Variants in SDCCAG8 observed in about 807,000 individuals in gnomAD.
SDCCAG8 encodes the protein serologically defined colon cancer antigen 8.
Under a neutral mutation model 101.8 loss-of-function variants are expected in SDCCAG8, and 74 were observed. That is an observed-to-expected ratio of 0.73 (90% CI 0.60 to 0.88). The LOEUF is 0.88. Among genes scored for constraint, SDCCAG8 ranks in the 40% least tolerant of loss-of-function variants. SDCCAG8 has a pLI of 0.00. For synonymous variants in SDCCAG8, 281 were observed against 292.9 expected (o/e 0.96, Z 0.41); for missense variants, 787 against 822.6 (o/e 0.96, Z 0.53).
chr1:243,439,666 A>ACACACACACACACACACAC (rs2082400113), intron 16 of SDCCAG8, among the ~76,000 whole-genome samples: 6 of 149,192 alleles, frequency 4.0e-5, no homozygotes, highest in Admixed American at 6.6e-5. Context: ...ACACACACAC[A>ACACACACACACACACACAC]TCATTGGAGC....
At chr1:243,389,158 C>A (rs560916002) in intron 13 of SDCCAG8, among the ~76,000 whole-genome samples, 14 of 149,232 alleles carry the variant, frequency 9.4e-5, no homozygotes, top group East Asian at 5.9e-4. Flanking sequence ...CCTCCCCCCC[C>A]CAAAAAAAAA....
chr1:243,271,441 C>A (rs1014617532), intron 3 of SDCCAG8, among the ~76,000 whole-genome samples: 6 of 150,800 alleles, frequency 4.0e-5, no homozygotes, highest in Non-Finnish European at 7.4e-5. Flanking sequence ...AGGGTCATAT[C>A]TATTATTGAT....
intron 12 of SDCCAG8, among the ~76,000 whole-genome samples, chr1:243,349,342 C>G (rs2075951779): frequency 6.6e-6 from 1 of 152,178 alleles, no homozygotes; most frequent in African/African-American, 2.4e-5. Flanking sequence ...TTTATTAGAA[C>G]TCAGCCATAC....
intron 4 of SDCCAG8, among the ~76,000 whole-genome samples, chr1:243,276,899 G>A (rs2068619404): frequency 1.3e-5 from 2 of 151,818 alleles, no homozygotes; most frequent in Non-Finnish European, 2.9e-5. Context: ...GAATTATTCT[G>A]TATATAGCCT....
intron 1 of SDCCAG8, among the ~76,000 whole-genome samples, chr1:243,269,411 A>G (rs2067899154): frequency 6.6e-6 from 1 of 151,258 alleles, no homozygotes; most frequent in Non-Finnish European, 1.5e-5. Flanking sequence ...TTAGAGATGA[A>G]CTATCACAGT....
Position 243,286,396 on chromosome 1 carries a change from C to T in SDCCAG8, c.545C>T (p.Ser182Phe). 1 of 1,613,946 alleles carries T rather than the reference C, an allele frequency of 6.2e-7. No homozygotes were observed. The highest frequency in any genetic ancestry group is 8.5e-7 in the Non-Finnish European group (1 of 1,179,814). ...TLREQTLLDA[S>F]GNMHNSWITT... ...AGGGAACAAACACTTCTGGATGCATCCGTGAGCATTATTTTAAATCATAAA... is the reference window on the plus strand; with the variant it reads ...AGGGAACAAACACTTCTGGATGCATTCGTGAGCATTATTTTAAATCATAAA... The change falls in exon 5 of 18, where the codon TCC becomes TTC. Residue 182 changes from serine to phenylalanine, a missense_variant and splice_region_variant. By Grantham distance (155) the Ser-to-Phe change is radical (BLOSUM62 -2). Coordinates refer to ENST00000366541, the MANE Select transcript of SDCCAG8 (RefSeq NM_006642.5).
chr1:243,473,491 C>T (rs960882027), intron 16 of SDCCAG8, among the ~76,000 whole-genome samples: 2 of 152,136 alleles, frequency 1.3e-5, no homozygotes, highest in Admixed American at 6.5e-5. Context: ...CATGCACTGT[C>T]TGTTACATGT....
At chr1:243,473,499 T>C (rs2148197912) in intron 16 of SDCCAG8, among the ~76,000 whole-genome samples, 1 of 152,332 alleles carries the variant, frequency 6.6e-6, no homozygotes, top group East Asian at 1.9e-4. Context: ...GTCTGTTACA[T>C]GTCGCTTCTT....
chr1:243,415,879 C>T (rs1196849327), intron 14 of SDCCAG8, 50 bp downstream of exon 14: 1 of 1,602,742 alleles, frequency 6.2e-7, no homozygotes, highest in Non-Finnish European at 8.5e-7. Context: ...ACAAGTCAGG[C>T]CCACGCCTTA....
At chr1:243,492,511 C>T (rs898778143) in intron 17 of SDCCAG8, among the ~76,000 whole-genome samples, 5 of 151,040 alleles carry the variant, frequency 3.3e-5, no homozygotes, top group African/African-American at 1.2e-4. Context: ...GCCATGTTGG[C>T]CAGGCTGGTC....
intron 12 of SDCCAG8, among the ~76,000 whole-genome samples, chr1:243,366,735 A>G (rs1282928671): frequency 6.6e-6 from 1 of 152,068 alleles, no homozygotes; most frequent in Non-Finnish European, 1.5e-5. Flanking sequence ...TATCAAAATG[A>G]TAGGGAATCA....
At position 243,499,836 on chromosome 1, in the gene SDCCAG8, C is replaced by T. The variant is rs373195978; in HGVS notation, c.*51C>T. ...TGATTTACAAAGAGATATTTACATT[C>T]ATCTGGTTTAGACTTAATATGCCAC... On this transcript the variant is annotated 3_prime_UTR_variant, in exon 18 of 18. Coordinates refer to ENST00000366541, the MANE Select transcript of SDCCAG8 (RefSeq NM_006642.5). 7 of 1,575,198 alleles carry T rather than the reference C, an allele frequency of 4.4e-6. No homozygotes were observed. The highest frequency in any genetic ancestry group is 4.4e-6 in the Non-Finnish European group (5 of 1,146,986).
intron 17 of SDCCAG8, among the ~76,000 whole-genome samples, chr1:243,493,959 A>C (rs1667197025): frequency 6.6e-6 from 1 of 152,006 alleles, no homozygotes; most frequent in East Asian, 2.0e-4. Context: ...CCTGGCTGCA[A>C]GGCGGAGCTG....
intron 1 of SDCCAG8, among the ~76,000 whole-genome samples, chr1:243,269,544 G>C (rs2067913226): frequency 6.6e-6 from 1 of 151,970 alleles, no homozygotes; most frequent in East Asian, 1.9e-4. Flanking sequence ...TGTACCGCCG[G>C]GGCTGCCACT....
intron 16 of SDCCAG8, among the ~76,000 whole-genome samples, chr1:243,467,032 A>G (rs1188889826): frequency 6.6e-6 from 1 of 152,214 alleles, no homozygotes; most frequent in Non-Finnish European, 1.5e-5. Flanking sequence ...GATGCCTTCA[A>G]GATTTATACC....
chr1:243,416,844 G>T lies in SDCCAG8; in HGVS notation c.1744+1015G>T, dbSNP rs2080619060. ...TTGATCCTGTCTCTTCCAGAAAAAT[G>T]TTGCTTAATTTTAGTGCCTTGATTT... is the stretch of plus-strand genomic sequence containing the variant. On this transcript the variant is annotated intron_variant, in intron 14 of 17. Coordinates refer to ENST00000366541, the MANE Select transcript of SDCCAG8 (RefSeq NM_006642.5). The surrounding 1 kb of genome is among the most constrained non-coding windows in gnomAD (Gnocchi z 4.3). Among the ~76,000 whole-genome samples the T allele has an allele frequency of 6.6e-6, 1 of 152,080 alleles. No individual in the cohort carries two copies. The highest frequency in any genetic ancestry group is 2.1e-4 in the South Asian group (1 of 4,834).
At chr1:243,330,831 AT>A in intron 10 of SDCCAG8, 139 bp downstream of exon 10, 1 of 773,584 alleles carries the variant, frequency 1.3e-6, no homozygotes, top group Non-Finnish European at 2.1e-6. Flanking sequence ...ATTTCGTATA[AT>A]TTAGAATTCA....
At chr1:243,492,736 T>A (rs1179273790) in intron 17 of SDCCAG8, among the ~76,000 whole-genome samples, 1 of 150,466 alleles carries the variant, frequency 6.6e-6, no homozygotes, top group Non-Finnish European at 1.5e-5. Flanking sequence ...GCCTCCCAAG[T>A]AGCTGGGATT....
rs372591418 is a variant in SDCCAG8, at chr1:243,423,977, A to C, written c.1854-2450A>C. Among the ~76,000 whole-genome samples the C allele has an allele frequency of 3.0e-4, 46 of 152,236 alleles. 1 individual carries two copies. The East Asian group carries it at 3.7e-3, about 12-fold the overall frequency. ...TTTGTTATACGGTGGCATGCAGTAA[A>C]TATTTGGTGGTAGTATCTGGTTTTG... On this transcript the variant is annotated intron_variant, in intron 15 of 17. Coordinates refer to ENST00000366541, the MANE Select transcript of SDCCAG8 (RefSeq NM_006642.5).
Sources: gnomAD v4.1 joint callset for allele counts (sites outside exome capture counted in the v4.1 genomes callset) on GRCh38, gnomAD v4.1.1 for gene constraint, Gnocchi (gnomAD v3.1) non-coding constraint, MANE v1.5 for transcripts, NCBI Gene and HGNC (gene_info 2026-07-23, HGNC 2026-07-21) for gene names.